The following SGCG variants were observed in gnomAD, a reference collection of about 807,000 sequenced individuals.
The protein encoded by SGCG is gamma-sarcoglycan.
In SGCG, 26 loss-of-function variants were observed where a neutral mutation model predicts 29.3. The ratio of observed to expected loss-of-function variants is 0.89; its 90% CI spans 0.65 to 1.23. The LOEUF (loss-of-function observed/expected upper bound fraction) is 1.23. Ranked by LOEUF, SGCG falls within the 50% of genes most tolerant of loss-of-function variation. The probability of loss-of-function intolerance (pLI) is 0.00; values close to 1 mark genes in which losing one functional copy is unlikely to be tolerated. For missense variants in SGCG, 353 were observed against 356.0 expected (o/e 0.99, Z 0.07); for synonymous variants, 145 against 129.7 (o/e 1.12, Z -0.80).
In SGCG at chr13:23,299,407, CATATATATATATATATATATATAT is replaced by C. The variant is rs1191940207; in HGVS notation, c.578+3947_578+3970del. 2.7e-3 allele frequency among the ~76,000 whole-genome samples: 64 copies of C among 23,940 alleles called. 4 individuals carry two copies. Among genetic ancestry groups the C allele is most frequent in the African/African-American group, 0.011 (64 of 5,790 alleles). The allele number at this position is 23,940 out of a possible 152,430, so 15.7% of individuals were successfully genotyped here. ...AAAGATTCTGGAATATCTTAGTTGG[CATATATATATATATATATATATAT>C]ATATATATATATATATATATATATA... On this transcript the variant is annotated intron_variant, in intron 6 of 7. Coordinates refer to ENST00000218867, the MANE Select transcript of SGCG (RefSeq NM_000231.3).
In SGCG at chr13:23,189,445, G is replaced by T. The variant is rs755761902; in HGVS notation, c.-1+8370G>T. Among the ~76,000 whole-genome samples, 4 of 152,274 alleles carry T rather than the reference G, an allele frequency of 2.6e-5. No individual in the cohort carries two copies. In the East Asian group the frequency reaches 7.7e-4, roughly 29 times the overall value. ...ACCTGCCTTGGCCTCCAAAGTGCTG[G>T]AATTACAGGCGTGAGCCACTGCGCC... On this transcript the variant is annotated intron_variant, in intron 1 of 7. Coordinates refer to ENST00000218867, the MANE Select transcript of SGCG (RefSeq NM_000231.3).
At chr13:23,168,549 G>A in the SGCG span, among the ~76,000 whole-genome samples, 14 of 152,302 alleles carry the variant, frequency 9.2e-5, no homozygotes, top group South Asian at 2.1e-3. Context: ...AGTACATAAC[G>A]CAGCTTCTCA....
rs71100168 is a variant in SGCG, at chr13:23,299,456, A to ATTTTTT, written c.578+3980_578+3985dup. 1.9e-3 allele frequency among the ~76,000 whole-genome samples: 80 copies of ATTTTTT among 41,520 alleles called. 11 individuals carry two copies. Among genetic ancestry groups the ATTTTTT allele is most frequent in the Non-Finnish European group, 2.4e-3 (49 of 20,842 alleles). The allele number at this position is 41,520 out of a possible 152,430, so 27.2% of individuals were successfully genotyped here. A position where few individuals can be genotyped will look rare whatever the true frequency, so the allele number is the denominator to read the frequency against. ...TATATATATATATATATATATATAT[A>ATTTTTT]TTTTTTTTTTTTTTTTAGTCGGAGT... is the stretch of plus-strand genomic sequence containing the variant. On this transcript the variant is annotated intron_variant, in intron 6 of 7. Coordinates refer to ENST00000218867, the MANE Select transcript of SGCG (RefSeq NM_000231.3).
intron 2 of SGCG, among the ~76,000 whole-genome samples, chr13:23,225,694 C>T (rs1878865752): frequency 6.6e-6 from 1 of 151,930 alleles, no homozygotes; most frequent in African/African-American, 2.4e-5. Flanking sequence ...GGAGCTCTTG[C>T]TCCTTTTAGT....
At position 23,228,095 on chromosome 13, in the gene SGCG, C is replaced by T. The variant is rs147578100; in HGVS notation, c.196-6516C>T. The stretch of plus-strand genomic sequence containing the variant: ...CAAAATGAGCCACAGCACCCGGCCA[C>T]AGGGCATTATTTTATGGTGGTAGAG... On this transcript the variant is annotated intron_variant, in intron 2 of 7. Coordinates refer to ENST00000218867, the MANE Select transcript of SGCG (RefSeq NM_000231.3). Among the ~76,000 whole-genome samples the T allele has an allele frequency of 6.9e-3, 1,050 of 152,166 alleles. 9 individuals carry two copies. The highest frequency in any genetic ancestry group is 0.011 in the Non-Finnish European group (763 of 68,024).
intron 1 of SGCG, among the ~76,000 whole-genome samples, chr13:23,188,502 TGG>T (rs1555233345): frequency 7.1e-6 from 1 of 140,924 alleles, no homozygotes; most frequent in African/African-American, 2.6e-5. Flanking sequence ...TTTTTTTTTT[TGG>T]GACAGGTATT....
chr13:23,236,580 A>T (rs948692137), intron 3 of SGCG, among the ~76,000 whole-genome samples: 1 of 152,070 alleles, frequency 6.6e-6, no homozygotes, highest in Non-Finnish European at 1.5e-5. Flanking sequence ...TGGGAGGCTG[A>T]GGCAGGAGAA....
At chr13:23,166,836 A>G in the SGCG span, among the ~76,000 whole-genome samples, 1 of 152,352 alleles carries the variant, frequency 6.6e-6, no homozygotes, top group South Asian at 2.1e-4. Context: ...ATTTTGATAC[A>G]GGCATGCCAT....
Position 23,234,627 on chromosome 13 carries a change from T to A in SGCG, c.212T>A (p.Leu71Ter). The A allele has an allele frequency of 6.2e-7, 1 of 1,612,102 alleles. No homozygotes were observed. Residue 71 changes from leucine to a stop codon, truncating the protein, a stop_gained, in exon 3 of 8, where the codon TTG becomes TAG. Transcript: ENST00000218867. LOFTEE classifies it high-confidence loss of function. ...TTTTAACAGGCAGGAATGGGCCACT[T>A]GTGTGTAACAAAAGATGGACTGCGC... ...MWFSPAGMGH[L>*]CVTKDGLRLE... is the part of the protein sequence containing the mutation.
intron 5 of SGCG, among the ~76,000 whole-genome samples, chr13:23,291,611 C>CT (rs1881707188): frequency 1.3e-5 from 2 of 152,124 alleles, no homozygotes; most frequent in Non-Finnish European, 2.9e-5. Context: ...AACTGCTGCT[C>CT]TTATTTAAAG....
intron 6 of SGCG, 145 bp from the exon 7 acceptor site, chr13:23,320,492 A>ATGC (rs1566047676): frequency 1.4e-6 from 1 of 699,260 alleles, no homozygotes; most frequent in Non-Finnish European, 2.4e-6. Context: ...TCAATGAATA[A>ATGC]TGCACAATAT....
chr13:23,172,633 G>T, the SGCG span, among the ~76,000 whole-genome samples: 1 of 152,170 alleles, frequency 6.6e-6, no homozygotes, highest in Non-Finnish European at 1.5e-5. Context: ...AGCATAGAAA[G>T]TTTATGGTTT....
intron 6 of SGCG, among the ~76,000 whole-genome samples, chr13:23,311,654 A>T (rs1054000727): frequency 9.2e-5 from 14 of 152,230 alleles, no homozygotes; most frequent in Non-Finnish European, 1.8e-4. Flanking sequence ...GAGGTGTTCG[A>T]TGAGGAATCA....
intron 2 of SGCG, among the ~76,000 whole-genome samples, chr13:23,209,681 T>C (rs759543352): frequency 4.6e-5 from 7 of 152,192 alleles, no homozygotes; most frequent in Non-Finnish European, 8.8e-5. Context: ...CACTGTAAAA[T>C]AGGCTTTGTG....
At chr13:23,286,221 A>G (rs1335012619) in intron 5 of SGCG, among the ~76,000 whole-genome samples, 2 of 152,244 alleles carry the variant, frequency 1.3e-5, no homozygotes, top group Admixed American at 1.3e-4. Context: ...TCACCATTAC[A>G]GGACAGTATA....
At chr13:23,291,654 C>A (rs143254967) in intron 5 of SGCG, among the ~76,000 whole-genome samples, 53 of 152,214 alleles carry the variant, frequency 3.5e-4, no homozygotes, top group Non-Finnish European at 7.2e-4. Flanking sequence ...TTTTATATCT[C>A]CCTGTAAGTA....
At chr13:23,246,315 T>C (rs970368262) in intron 3 of SGCG, 3 of 152,238 alleles carry the variant, frequency 2.0e-5, no homozygotes, top group African/African-American at 7.2e-5. Flanking sequence ...AACGTCCTTA[T>C]GGAGGACATG....
At chr13:23,281,753 C>T (rs775200232) in intron 5 of SGCG, among the ~76,000 whole-genome samples, 56 of 152,268 alleles carry the variant, frequency 3.7e-4, no homozygotes, top group Admixed American at 9.8e-4. Flanking sequence ...CAGTAGGGTT[C>T]GCACTCCTAT....
At chr13:23,320,487 GAAT>G in intron 6 of SGCG, 147 bp from the exon 7 acceptor site, 1 of 677,392 alleles carries the variant, frequency 1.5e-6, no homozygotes, top group East Asian at 2.8e-5. Flanking sequence ...ATTTATCAAT[GAAT>G]AATGCACAAT....
Sources: gnomAD v4.1 joint callset for allele counts (sites outside exome capture counted in the v4.1 genomes callset) on GRCh38, gnomAD v4.1.1 for gene constraint, MANE v1.5 for transcripts, NCBI Gene and HGNC (gene_info 2026-07-23, HGNC 2026-07-21) for gene names.